Variants in THPO observed in about 807,000 individuals in gnomAD.
THPO encodes thrombopoietin.
In THPO, 12 loss-of-function variants were observed where a neutral mutation model predicts 17.0. The ratio of observed to expected loss-of-function variants is 0.71; its 90% CI spans 0.45 to 1.14. The LOEUF is 1.14. Among genes scored for constraint, THPO ranks in the 50% most tolerant of loss-of-function variants. The pLI, the probability that THPO is intolerant of heterozygous loss-of-function variation, is 0.00. For missense variants in THPO, 365 were observed against 427.5 expected (o/e 0.85, Z 1.29); for synonymous variants, 188 against 183.0 (o/e 1.03, Z -0.22).
upstream of THPO, chr3:184,378,315 C>T (rs564448797): frequency 1.0e-6 from 1 of 985,544 alleles, no homozygotes; most frequent in African/African-American, 1.7e-5. Flanking sequence ...TCCACCCACA[C>T]ACACCACGGA....
intron 4 of THPO, among the ~76,000 whole-genome samples, chr3:184,374,983 T>G (rs1341966806): frequency 6.6e-6 from 1 of 152,188 alleles, no homozygotes; most frequent in East Asian, 1.9e-4. Context: ...AGACGGGGTT[T>G]CGCCATGTTG....
chr3:184,375,151 T>C (rs1449679446), intron 4 of THPO, among the ~76,000 whole-genome samples: 1 of 152,236 alleles, frequency 6.6e-6, no homozygotes, highest in African/African-American at 2.4e-5. Context: ...ATTTGAATCT[T>C]GATTCAGTCT....
intron 1 of THPO, 106 bp from the exon 2 acceptor site, chr3:184,376,510 A>G: frequency 8.1e-7 from 1 of 1,235,792 alleles, no homozygotes; most frequent in Non-Finnish European, 1.1e-6. Context: ...CCAGCCTGGA[A>G]CTGCCAAAGC....
rs1292679418 is a variant in THPO, at chr3:184,378,077, G to A, written c.-148C>T. On this transcript the variant is annotated splice_region_variant and 5_prime_UTR_variant, in exon 1 of 6. Transcript: ENST00000647395. Reference sequence around the variant, plus strand: ...CCCACACCCTGCTGGCCACTCACCGGGTGGAGAAGGGCTCCAGGACCCAAG... The same window carrying A: ...CCCACACCCTGCTGGCCACTCACCGAGTGGAGAAGGGCTCCAGGACCCAAG... The A allele has an allele frequency of 2.0e-6, 2 of 985,442 alleles. No homozygotes were observed. The highest frequency in any genetic ancestry group is 1.7e-5 in the African/African-American group (1 of 57,234). The allele number at this position is 985,442 out of a possible 1,614,324, so 61.0% of individuals were successfully genotyped here. A position where few individuals can be genotyped will look rare whatever the true frequency, so the allele number is the denominator to read the frequency against.
intron 4 of THPO, among the ~76,000 whole-genome samples, chr3:184,374,569 C>T (rs112015065): frequency 2.6e-5 from 4 of 152,132 alleles, no homozygotes; most frequent in Non-Finnish European, 5.9e-5. Context: ...GAGTTCTGTA[C>T]GAGCATTTCC....
chr3:184,375,248 G>C (rs1206204144), intron 4 of THPO, among the ~76,000 whole-genome samples: 1 of 152,188 alleles, frequency 6.6e-6, no homozygotes, highest in African/African-American at 2.4e-5. Context: ...TAAGAAGACT[G>C]AACGGGAATA....
chr3:184,372,860 AC>A lies in THPO; in HGVS notation c.714del (p.Arg238SerfsTer10). The A allele has an allele frequency of 6.2e-7, 1 of 1,613,900 alleles. No individual in the cohort carries two copies. ...AGGTATCCGGGGATTTGGTCCAGGGACCTGGAGGTTTGGTTCAGCAGACCAG... is the reference window on the plus strand; with the variant it reads ...AGGTATCCGGGGATTTGGTCCAGGGACTGGAGGTTTGGTTCAGCAGACCAG... ...KIPGLLNQTS[R>X]SLDQIPGYLN... On this transcript the variant is annotated frameshift_variant, in exon 6 of 6. Transcript: ENST00000647395. LOFTEE classifies it low-confidence loss of function (END_TRUNC).
At chr3:184,373,318 C>T (rs994018176) in intron 5 of THPO, 97 bp downstream of exon 5, 11 of 1,570,334 alleles carry the variant, frequency 7.0e-6, no homozygotes, top group Non-Finnish European at 9.6e-6. Flanking sequence ...CTCTTCTGCC[C>T]TTGAGCTCCC....
At position 184,372,642 on chromosome 3, in the gene THPO, G is replaced by A. The variant is rs746364606; in HGVS notation, c.933C>T (p.Pro311=). Residue 311 remains proline, a synonymous_variant, in exon 6 of 6, where the codon CCC becomes CCT. Coordinates refer to ENST00000647395, the MANE Select transcript of THPO (RefSeq NM_000460.4). ...TGQYTLFPLP[P]TLPTPVVQLH... is the part of the protein sequence containing the mutation. Reference sequence around the variant, plus strand: ...GCTGGACCACAGGGGTGGGCAAGGTGGGTGGAAGAGGGAAGAGCGTATACT... The same window carrying A: ...GCTGGACCACAGGGGTGGGCAAGGTAGGTGGAAGAGGGAAGAGCGTATACT... 19 of 1,613,256 alleles carry A rather than the reference G, an allele frequency of 1.2e-5. No individual in the cohort carries two copies. The highest frequency in any genetic ancestry group is 5.3e-5 in the African/African-American group (4 of 75,024).
Position 184,378,105 on chromosome 3 carries a change from C to T in THPO, c.-176G>A. 1 of 985,690 alleles carries T rather than the reference C, an allele frequency of 1.0e-6. No individual in the cohort carries two copies. The highest frequency in any genetic ancestry group is 1.2e-6 in the Non-Finnish European group (1 of 830,126). 61.1% of individuals were successfully genotyped at this position (985,690 alleles called of 1,614,324 possible). ...GGAGAAGGGCTCCAGGACCCAAGTG[C>T]ACAGCAGGCAGCCCTCTGGGGAGCA... On this transcript the variant is annotated 5_prime_UTR_variant, in exon 1 of 6. Coordinates refer to ENST00000647395, the MANE Select transcript of THPO (RefSeq NM_000460.4).
Position 184,372,790 on chromosome 3 carries a change from G to C in THPO, c.785C>G (p.Pro262Arg), listed in dbSNP as rs1189136581. The change falls in exon 6 of 6, where the codon CCT (proline) becomes CGT (arginine). Residue 262 changes from proline (P) to arginine (R), a missense_variant. By Grantham distance (103) the Pro-to-Arg change is moderately radical. Transcript: ENST00000647395. ...ELLNGTRGLF[P>R]GPSRRTLGAP... ...TCCTAGGGTCCTGCGTGAGGGTCCA[G>C]GAAAGAGTCCACGAGTTCCATTCAA... 6.2e-7 allele frequency: 1 copy of C among 1,614,180 alleles called. No individual in the cohort carries two copies. Among genetic ancestry groups the C allele is most frequent in the South Asian group, 1.1e-5 (1 of 91,084 alleles).
chr3:184,375,418 T>C, intron 4 of THPO, 97 bp downstream of exon 4: 1 of 1,332,648 alleles, frequency 7.5e-7, no homozygotes, highest in African/African-American at 1.4e-5. Context: ...AGGTGAGATA[T>C]TTTTAAAAAG....
intron 5 of THPO, 113 bp from the exon 6 acceptor site, chr3:184,373,291 C>T: frequency 6.4e-7 from 1 of 1,555,356 alleles, no homozygotes; most frequent in Non-Finnish European, 8.8e-7. Flanking sequence ...TGGCAGGGAG[C>T]ACTCTTAGTA....
Position 184,372,872 on chromosome 3 carries a change from G to C in THPO, c.703C>G (p.Gln235Glu). The C allele has an allele frequency of 1.9e-6, 3 of 1,614,026 alleles. No homozygotes were observed. Among genetic ancestry groups the C allele is most frequent in the Non-Finnish European group, 2.5e-6 (3 of 1,179,984 alleles). Residue 235 changes from glutamine to glutamate, a missense_variant, in exon 6 of 6, where the codon CAA becomes GAA. Coordinates refer to ENST00000647395, the MANE Select transcript of THPO (RefSeq NM_000460.4). ...FRAKIPGLLNQTSRSLDQIPG... is the reference protein window; with the variant it reads ...FRAKIPGLLNETSRSLDQIPG... Reference sequence around the variant, plus strand: ...ATTTGGTCCAGGGACCTGGAGGTTTGGTTCAGCAGACCAGGAATCTTGGCT... The same window carrying C: ...ATTTGGTCCAGGGACCTGGAGGTTTCGTTCAGCAGACCAGGAATCTTGGCT...
At chr3:184,373,362 G>T (rs1258786196) in intron 5 of THPO, 53 bp downstream of exon 5, 1 of 1,607,200 alleles carries the variant, frequency 6.2e-7, no homozygotes, top group Non-Finnish European at 8.5e-7. Context: ...GTCTTCTAGG[G>T]GGACTGAGTC....
upstream of THPO, chr3:184,378,455 G>C: frequency 1.1e-6 from 1 of 946,844 alleles, no homozygotes; most frequent in Non-Finnish European, 1.3e-6. Flanking sequence ...AAGAAGCACA[G>C]AGGTCTTGTT....
At chr3:184,373,340 T>G in intron 5 of THPO, 75 bp downstream of exon 5, 1 of 1,590,384 alleles carries the variant, frequency 6.3e-7, no homozygotes, top group Non-Finnish European at 8.6e-7. Context: ...GGAAGAGCCC[T>G]TCTTCCCTCA....
chr3:184,376,547 A>G (rs970649370), intron 1 of THPO, 143 bp from the exon 2 acceptor site: 20 of 961,156 alleles, frequency 2.1e-5, no homozygotes, highest in Admixed American at 3.1e-5. Context: ...TTTTCTTGTG[A>G]TGAAAGCATA....
chr3:184,374,953 T>G (rs1714259555), intron 4 of THPO, among the ~76,000 whole-genome samples: 1 of 152,150 alleles, frequency 6.6e-6, no homozygotes, highest in Non-Finnish European at 1.5e-5. Flanking sequence ...CATGCCCGGC[T>G]AATTCTGTAT....
Sources: gnomAD v4.1 joint callset for allele counts (sites outside exome capture counted in the v4.1 genomes callset) on GRCh38, gnomAD v4.1.1 for gene constraint, MANE v1.5 for transcripts, NCBI Gene and HGNC (gene_info 2026-07-23, HGNC 2026-07-21) for gene names.